Variants in KCND2 observed in about 807,000 individuals in gnomAD.
KCND2 encodes the protein potassium voltage-gated channel subfamily D member 2.
Under a neutral mutation model 54.4 loss-of-function variants are expected in KCND2, and 16 were observed. The ratio of observed to expected loss-of-function variants is 0.29; its 90% CI spans 0.20 to 0.45. The LOEUF (loss-of-function observed/expected upper bound fraction) is 0.45. Among genes scored for constraint, KCND2 ranks in the 20% least tolerant of loss-of-function variants. The probability of loss-of-function intolerance (pLI) is 1.00; values close to 1 mark genes in which losing one functional copy is unlikely to be tolerated. For missense variants in KCND2, 486 were observed against 824.2 expected, an observed-to-expected ratio of 0.59 and a Z score of 5.02; for synonymous variants, 317 against 310.7, an observed-to-expected ratio of 1.02 and a Z score of -0.21.
intron 1 of KCND2, among the ~76,000 whole-genome samples, chr7:120,400,756 A>C (rs112393962): frequency 6.6e-5 from 10 of 152,286 alleles, no homozygotes; most frequent in African/African-American, 2.2e-4. Flanking sequence ...TAGGCTATGC[A>C]GTCTGTGACT....
At chr7:120,300,397 TCTGG>T (rs1799569165) in intron 1 of KCND2, among the ~76,000 whole-genome samples, 1 of 152,082 alleles carries the variant, frequency 6.6e-6, no homozygotes, top group South Asian at 2.1e-4. Context: ...ATCTTTAAGC[TCTGG>T]ATTTGCATTC....
At chr7:120,393,409 C>T (rs1281424343) in intron 1 of KCND2, among the ~76,000 whole-genome samples, 2 of 151,954 alleles carry the variant, frequency 1.3e-5, no homozygotes, top group Admixed American at 6.6e-5. Context: ...AACTTAGATA[C>T]CTTTGGAAAG....
chr7:120,613,809 C>G (rs985189400), intron 1 of KCND2, among the ~76,000 whole-genome samples: 2 of 152,120 alleles, frequency 1.3e-5, no homozygotes, highest in African/African-American at 4.8e-5. Flanking sequence ...GCTCCCACTT[C>G]CTCGCAAATA....
At chr7:120,513,920 T>G (rs1314928841) in intron 1 of KCND2, among the ~76,000 whole-genome samples, 1 of 152,230 alleles carries the variant, frequency 6.6e-6, no homozygotes, top group Middle Eastern at 3.4e-3. Flanking sequence ...ATGCCACTAC[T>G]CTAGCAAAAC....
intron 1 of KCND2, among the ~76,000 whole-genome samples, chr7:120,451,267 C>T (rs1487024274): frequency 1.3e-5 from 2 of 152,068 alleles, no homozygotes; most frequent in African/African-American, 4.8e-5. Context: ...CTTACCCTAA[C>T]GTCCAGTAAA....
intron 1 of KCND2, among the ~76,000 whole-genome samples, chr7:120,424,461 C>T (rs750383536): frequency 2.6e-5 from 4 of 152,176 alleles, no homozygotes; most frequent in Non-Finnish European, 5.9e-5. Flanking sequence ...GTGATATCAG[C>T]ATTACCATGT....
At chr7:120,491,711 A>G (rs958989629) in intron 1 of KCND2, among the ~76,000 whole-genome samples, 1 of 152,016 alleles carries the variant, frequency 6.6e-6, no homozygotes, top group Non-Finnish European at 1.5e-5. Flanking sequence ...AAACTGTCCA[A>G]TTTCTTCATT....
At chr7:120,535,657 T>G (rs1271017346) in intron 1 of KCND2, among the ~76,000 whole-genome samples, 1 of 152,180 alleles carries the variant, frequency 6.6e-6, no homozygotes, top group Non-Finnish European at 1.5e-5. Flanking sequence ...TCCCAATGTT[T>G]GGGATTTTAA....
chr7:120,639,251 A>C (rs752693322), intron 1 of KCND2, among the ~76,000 whole-genome samples: 27 of 152,198 alleles, frequency 1.8e-4, no homozygotes, highest in Non-Finnish European at 2.9e-4. Flanking sequence ...ATGAAAGTGA[A>C]AAAGAATACC....
chr7:120,677,422 G>A (rs112269181), intron 1 of KCND2, among the ~76,000 whole-genome samples: 1 of 151,908 alleles, frequency 6.6e-6, no homozygotes, highest in Non-Finnish European at 1.5e-5. Flanking sequence ...AGTCCCAAAG[G>A]TTCCATATCC....
intron 1 of KCND2, among the ~76,000 whole-genome samples, chr7:120,500,988 T>TG (rs1802923212): frequency 1.3e-5 from 2 of 151,760 alleles, no homozygotes; most frequent in African/African-American, 2.4e-5. Flanking sequence ...CCTTTTTGTG[T>TG]GAAAAAAAAA....
intron 1 of KCND2, among the ~76,000 whole-genome samples, chr7:120,582,413 CCTTCTGTACTGATAACTGTTTTAAG>C (rs1792528741): frequency 6.6e-6 from 1 of 152,088 alleles, no homozygotes; most frequent in Non-Finnish European, 1.5e-5. Flanking sequence ...ACTGTGCTCT[CCTTCTGTACTGATAACTGTTTTAAG>C]GACACAATGA....
intron 1 of KCND2, among the ~76,000 whole-genome samples, chr7:120,543,413 AAG>A (rs1371772711): frequency 6.6e-6 from 1 of 152,104 alleles, no homozygotes; most frequent in Non-Finnish European, 1.5e-5. Context: ...ACACAAAAAA[AAG>A]AGAAGAAATT....
At chr7:120,359,307 G>C (rs1202654054) in intron 1 of KCND2, among the ~76,000 whole-genome samples, 1 of 152,022 alleles carries the variant, frequency 6.6e-6, no homozygotes, top group Non-Finnish European at 1.5e-5. Context: ...ATGTAATAAA[G>C]ATAATACATG....
intron 1 of KCND2, among the ~76,000 whole-genome samples, chr7:120,593,171 A>C (rs555252977): frequency 5.9e-5 from 9 of 152,212 alleles, no homozygotes; most frequent in Non-Finnish European, 1.3e-4. Flanking sequence ...CAAAAATGAA[A>C]GAAAATTTTG....
intron 1 of KCND2, among the ~76,000 whole-genome samples, chr7:120,492,846 A>G (rs143159624): frequency 7.9e-5 from 12 of 152,264 alleles, no homozygotes; most frequent in African/African-American, 2.9e-4. Context: ...CTTATTTTAT[A>G]ATCAAGTATT....
At chr7:120,548,571 C>T (rs1792070553) in intron 1 of KCND2, among the ~76,000 whole-genome samples, 2 of 152,090 alleles carry the variant, frequency 1.3e-5, no homozygotes, top group African/African-American at 4.8e-5. Context: ...AAGGTCTTGC[C>T]TCCCAAAAGC....
chr7:120,593,996 G>A (rs1444385644), intron 1 of KCND2, among the ~76,000 whole-genome samples: 1 of 152,132 alleles, frequency 6.6e-6, no homozygotes, highest in Non-Finnish European at 1.5e-5. Context: ...GAGGCTTGGC[G>A]CTCATCTCTG....
intron 1 of KCND2, among the ~76,000 whole-genome samples, chr7:120,421,419 C>T (rs1801620516): frequency 6.6e-6 from 1 of 152,208 alleles, no homozygotes; most frequent in South Asian, 2.1e-4. Context: ...AAGTGACCTG[C>T]ACACACACAA....
Sources: gnomAD v4.1 joint callset for allele counts (sites outside exome capture counted in the v4.1 genomes callset) on GRCh38, gnomAD v4.1.1 for gene constraint, MANE v1.5 for transcripts, NCBI Gene and HGNC (gene_info 2026-07-23, HGNC 2026-07-21) for gene names.